Variants in GTF2IRD1 observed in about 807,000 individuals in gnomAD.
GTF2IRD1 encodes GTF2I repeat domain containing 1.
GTF2IRD1 carries 26 observed loss-of-function variants against 113.2 expected under a neutral mutation model. That is an observed-to-expected ratio of 0.23 (90% CI 0.17 to 0.32). GTF2IRD1 has a LOEUF of 0.32. Ranked by LOEUF, GTF2IRD1 falls within the 10% of genes least tolerant of loss-of-function variation. The probability of loss-of-function intolerance (pLI) is 1.00; values close to 1 mark genes in which losing one functional copy is unlikely to be tolerated. For missense variants in GTF2IRD1, 864 were observed against 1,280.8 expected, an observed-to-expected ratio of 0.67 and a Z score of 4.97; for synonymous variants, 484 against 529.1, an observed-to-expected ratio of 0.91 and a Z score of 1.17.
At position 74,562,177 on chromosome 7, in the gene GTF2IRD1, G is replaced by C. The variant is rs587596935; in HGVS notation, c.2320+2522G>C. Reference sequence around the variant, plus strand: ...TCACACGGTTCCCGAAGCCTGGCCTGGGCCAGCACCGGCAGTTCCAGGGTG... The same window carrying C: ...TCACACGGTTCCCGAAGCCTGGCCTCGGCCAGCACCGGCAGTTCCAGGGTG... On this transcript the variant is annotated intron_variant, in intron 22 of 26. Coordinates refer to ENST00000424337, the MANE Select transcript of GTF2IRD1 (RefSeq NM_005685.4). Among the ~76,000 whole-genome samples the C allele has an allele frequency of 2.0e-5, 3 of 152,344 alleles. No homozygotes were observed. The East Asian group carries it at 5.8e-4, about 29-fold the overall frequency.
At position 74,524,119 on chromosome 7, in the gene GTF2IRD1, G is replaced by A. The variant is rs587749109; in HGVS notation, c.1055G>A (p.Arg352Gln). 3 of 1,612,866 alleles carry A rather than the reference G, an allele frequency of 1.9e-6. No homozygotes were observed. Among genetic ancestry groups the A allele is most frequent in the Non-Finnish European group, 1.7e-6 (2 of 1,179,316 alleles). Residue 352 changes from arginine to glutamine, a missense_variant, in exon 8 of 27, where the codon CGG becomes CAG. Coordinates refer to ENST00000424337, the MANE Select transcript of GTF2IRD1 (RefSeq NM_005685.4). The stretch of plus-strand genomic sequence containing the variant: ...GAAACCGAGGACATCAACACGCTCC[G>A]GGAGTGTGTGCAGATCCTGTTTAAC... ...IKETEDINTL[R>Q]ECVQILFNSR...
chr7:74,489,483 C>T (rs1795212492), intron 1 of GTF2IRD1, among the ~76,000 whole-genome samples: 1 of 152,178 alleles, frequency 6.6e-6, no homozygotes, highest in South Asian at 2.1e-4. Context: ...GCTGGGATTA[C>T]AGGCATGTAC....
chr7:74,551,514 G>A (rs1799305308), intron 17 of GTF2IRD1, among the ~76,000 whole-genome samples: 1 of 152,220 alleles, frequency 6.6e-6, no homozygotes, highest in East Asian at 1.9e-4. Context: ...TGTCATGTCA[G>A]GTAGAGATAA....
At chr7:74,456,199 C>T (rs1170574641) in intron 1 of GTF2IRD1, among the ~76,000 whole-genome samples, 1 of 152,150 alleles carries the variant, frequency 6.6e-6, no homozygotes, top group African/African-American at 2.4e-5. Context: ...GCCTGCTTGA[C>T]TCCAGAGGCC....
chr7:74,592,511 A>G (rs1416312336), intron 24 of GTF2IRD1, among the ~76,000 whole-genome samples: 7 of 149,744 alleles, frequency 4.7e-5, no homozygotes, highest in East Asian at 3.9e-4. Context: ...CAGCCACCAC[A>G]CCTGGCCTGT....
In GTF2IRD1 at chr7:74,455,093, G is replaced by T. The variant is rs187196302; in HGVS notation, c.-7+917G>T. On this transcript the variant is annotated intron_variant, in intron 1 of 26. Transcript: ENST00000424337. Reference sequence around the variant, plus strand: ...GGAGGGGGCTGGAGCTCTGGCGTCTGGCCTAGTGACCCTACCTCCCAGGAC... The same window carrying T: ...GGAGGGGGCTGGAGCTCTGGCGTCTTGCCTAGTGACCCTACCTCCCAGGAC... Among the ~76,000 whole-genome samples, 321 of 152,258 alleles carry T rather than the reference G, an allele frequency of 2.1e-3. 2 individuals carry two copies. The highest frequency in any genetic ancestry group is 7.6e-3 in the African/African-American group (315 of 41,566).
In GTF2IRD1 at chr7:74,463,721, G is replaced by GT. The variant is rs1340391318; in HGVS notation, c.-7+9551dup. ...TTTGGGCCAGAGTAGGACCACTGTT[G>GT]TTTTTTGTTTTTTTTTTTTTGAGAC... On this transcript the variant is annotated intron_variant, in intron 1 of 26. Coordinates refer to ENST00000424337, the MANE Select transcript of GTF2IRD1 (RefSeq NM_005685.4). Among the ~76,000 whole-genome samples, 1,181 of 149,640 alleles carry GT rather than the reference G, an allele frequency of 7.9e-3. 18 individuals carry two copies. The highest frequency in any genetic ancestry group is 0.026 in the African/African-American group (1,070 of 40,506).
At chr7:74,586,160 G>T (rs587740322) in intron 22 of GTF2IRD1, among the ~76,000 whole-genome samples, 5 of 152,312 alleles carry the variant, frequency 3.3e-5, no homozygotes, top group Admixed American at 3.3e-4. Flanking sequence ...TGAGAATCCT[G>T]CCACCAAAGA....
intron 1 of GTF2IRD1, among the ~76,000 whole-genome samples, chr7:74,492,942 T>A (rs1314750012): frequency 2.6e-5 from 4 of 151,992 alleles, no homozygotes; most frequent in East Asian, 1.9e-4. Context: ...ACCCTATTTT[T>A]AAAAAATGTT....
intron 4 of GTF2IRD1, among the ~76,000 whole-genome samples, chr7:74,517,000 C>CTTTTTTGTTGTTGTTG (rs3066699): frequency 0.16 from 24,168 of 149,036 alleles, 2,096 homozygotes; most frequent in Middle Eastern, 0.23. Flanking sequence ...TCTCTCCTGT[C>CTTTTTTGTTGTTGTTG]TTTGTTGTTG....
chr7:74,561,047 T>C (rs1278957450), intron 22 of GTF2IRD1, among the ~76,000 whole-genome samples: 2 of 151,998 alleles, frequency 1.3e-5, no homozygotes, highest in East Asian at 3.9e-4. Flanking sequence ...CACTAAGGGC[T>C]GGCCAGAGCC....
chr7:74,589,940 T>A lies in GTF2IRD1; in HGVS notation c.2398+12T>A. ...CAACGAGAAATACGGTCAGTGCCTG[T>A]GGTCAGGGTCAGCACACCAAGCCCT... On this transcript the variant is annotated intron_variant, in intron 23 of 26. Transcript: ENST00000424337. 1 of 1,575,638 alleles carries A rather than the reference T, an allele frequency of 6.3e-7. No homozygotes were observed. Among genetic ancestry groups the A allele is most frequent in the Non-Finnish European group, 8.7e-7 (1 of 1,145,308 alleles).
intron 22 of GTF2IRD1, among the ~76,000 whole-genome samples, chr7:74,565,435 G>A (rs1421590577): frequency 6.6e-6 from 1 of 152,150 alleles, no homozygotes; most frequent in Non-Finnish European, 1.5e-5. Flanking sequence ...TAAGGCAGGA[G>A]AATCACTTGA....
intron 9 of GTF2IRD1, among the ~76,000 whole-genome samples, chr7:74,532,174 C>A (rs1392021079): frequency 8.5e-5 from 13 of 152,160 alleles, no homozygotes; most frequent in Non-Finnish European, 7.4e-5. Context: ...AATGCCCCCC[C>A]AGGGAATGGT....
At chr7:74,525,507 T>C (rs1349455178) in intron 8 of GTF2IRD1, among the ~76,000 whole-genome samples, 8 of 152,102 alleles carry the variant, frequency 5.3e-5, no homozygotes, top group Non-Finnish European at 1.0e-4. Flanking sequence ...ATCCCAGCAC[T>C]TTGGGAGGCC....
intron 24 of GTF2IRD1, among the ~76,000 whole-genome samples, chr7:74,591,856 G>C (rs1314307116): frequency 1.9e-4 from 29 of 151,818 alleles, no homozygotes; most frequent in Non-Finnish European, 1.5e-4. Context: ...CTAAGCTCAA[G>C]TGATCCTCCC....
chr7:74,545,917 T>G (rs1340604112), intron 16 of GTF2IRD1, 108 bp downstream of exon 16: 5 of 806,218 alleles, frequency 6.2e-6, no homozygotes, highest in African/African-American at 3.3e-5. Context: ...ATCCCAGCTG[T>G]TCTCTGGGCA....
At chr7:74,562,039 C>T (rs1799997688) in intron 22 of GTF2IRD1, among the ~76,000 whole-genome samples, 1 of 152,184 alleles carries the variant, frequency 6.6e-6, no homozygotes, top group Non-Finnish European at 1.5e-5. Flanking sequence ...TTACTCATGC[C>T]ACTAGTCATG....
chr7:74,565,988 C>T (rs1800282139), intron 22 of GTF2IRD1, among the ~76,000 whole-genome samples: 1 of 142,742 alleles, frequency 7.0e-6, no homozygotes. Flanking sequence ...GTAAGACCCT[C>T]TCTCTAAAAG....
Sources: gnomAD v4.1 joint callset for allele counts (sites outside exome capture counted in the v4.1 genomes callset) on GRCh38, gnomAD v4.1.1 for gene constraint, MANE v1.5 for transcripts, NCBI Gene and HGNC (gene_info 2026-07-23, HGNC 2026-07-21) for gene names.